The following RARB variants were observed in gnomAD, a reference collection of about 807,000 sequenced individuals.
The protein encoded by RARB is retinoic acid receptor beta.
In RARB, 17 loss-of-function variants were observed where a neutral mutation model predicts 51.9. The ratio of observed to expected loss-of-function variants is 0.33; its 90% CI spans 0.22 to 0.49. The LOEUF (loss-of-function observed/expected upper bound fraction) is 0.49, where lower values mean the gene tolerates loss of function less well. Among genes scored for constraint, RARB ranks in the 20% least tolerant of loss-of-function variants. The pLI is 0.99. For synonymous variants in RARB, 215 were observed against 195.4 expected, an observed-to-expected ratio of 1.10 and a Z score of -0.84; for missense variants, 369 against 550.8, an observed-to-expected ratio of 0.67 and a Z score of 3.30.
Position 24,995,887 on chromosome 3 carries a change from A to G in RARB, c.-379-64238A>G, listed in dbSNP as rs999411217. ...CTAGTGTTTTGTTAAGGATTTTTGCATGTATGTTTATCAGCATCTGGTTTG... is the reference window on the plus strand; with the variant it reads ...CTAGTGTTTTGTTAAGGATTTTTGCGTGTATGTTTATCAGCATCTGGTTTG... On this transcript the variant is annotated intron_variant, in intron 2 of 11. Coordinates refer to the RARB transcript ENST00000383772. Among the ~76,000 whole-genome samples the G allele has an allele frequency of 2.6e-5, 4 of 152,104 alleles. No individual in the cohort carries two copies. The South Asian group carries it at 6.2e-4, about 24-fold the overall frequency.
At chr3:25,366,768 G>C (rs1706132242) in intron 5 of RARB, among the ~76,000 whole-genome samples, 1 of 152,176 alleles carries the variant, frequency 6.6e-6, no homozygotes, top group Admixed American at 6.5e-5. Flanking sequence ...GGCACAGAGT[G>C]AATGCATTCT....
chr3:25,157,639 T>C (rs1431033090), intron 4 of RARB, among the ~76,000 whole-genome samples: 1 of 152,168 alleles, frequency 6.6e-6, no homozygotes, highest in East Asian at 1.9e-4. Context: ...TCAAGCGATC[T>C]GCCTGCCTCC....
At chr3:25,587,040 G>A (rs1180184883) in intron 5 of RARB, among the ~76,000 whole-genome samples, 1 of 152,236 alleles carries the variant, frequency 6.6e-6, no homozygotes, top group Non-Finnish European at 1.5e-5. Context: ...TCAAATCCCA[G>A]CTCTGCCATT....
intron 2 of RARB, among the ~76,000 whole-genome samples, chr3:24,955,922 C>A (rs1003830344): frequency 6.6e-6 from 1 of 152,108 alleles, no homozygotes; most frequent in Non-Finnish European, 1.5e-5. Context: ...GGATGACATC[C>A]AGTCTCCTCT....
chr3:25,457,796 T>C (rs553019949), intron 1 of RARB, among the ~76,000 whole-genome samples: 27 of 152,342 alleles, frequency 1.8e-4, no homozygotes, highest in African/African-American at 5.3e-4. Context: ...ATTCCAGCCC[T>C]ACCAGAATTC....
chr3:25,549,082 T>G (rs893573748), intron 3 of RARB, among the ~76,000 whole-genome samples: 1 of 152,024 alleles, frequency 6.6e-6, no homozygotes, highest in Non-Finnish European at 1.5e-5. Context: ...GGCTTACAGC[T>G]CCATTTGATC....
At chr3:24,895,905 T>G (rs1703469037) in intron 2 of RARB, among the ~76,000 whole-genome samples, 6 of 152,282 alleles carry the variant, frequency 3.9e-5, no homozygotes, top group Admixed American at 3.9e-4. Flanking sequence ...AACAGATATT[T>G]GTACACTCTT....
At chr3:25,274,542 C>T (rs1200939329) in intron 5 of RARB, among the ~76,000 whole-genome samples, 1 of 152,170 alleles carries the variant, frequency 6.6e-6, no homozygotes, top group Non-Finnish European at 1.5e-5. Context: ...ATTTCTGGAG[C>T]CTGGCTCCCT....
chr3:25,422,139 G>C (rs753491264), intron 5 of RARB, among the ~76,000 whole-genome samples: 10 of 152,142 alleles, frequency 6.6e-5, no homozygotes, highest in Non-Finnish European at 1.0e-4. Context: ...AACAGTTTCT[G>C]TTCATACATA....
intron 1 of RARB, among the ~76,000 whole-genome samples, chr3:25,444,389 G>A (rs181651170): frequency 6.6e-6 from 1 of 152,352 alleles, no homozygotes; most frequent in African/African-American, 2.4e-5. Flanking sequence ...GGGTTAACAA[G>A]TGAAAGCTGG....
At chr3:25,346,118 A>G (rs551573995) in intron 5 of RARB, among the ~76,000 whole-genome samples, 3 of 152,306 alleles carry the variant, frequency 2.0e-5, no homozygotes, top group African/African-American at 7.2e-5. Context: ...GCCTCTCTCC[A>G]TGTAGTCTCT....
At chr3:24,926,813 G>C (rs1475232630) in intron 2 of RARB, among the ~76,000 whole-genome samples, 1 of 152,068 alleles carries the variant, frequency 6.6e-6, no homozygotes, top group African/African-American at 2.4e-5. Flanking sequence ...TCAAATAGTT[G>C]TATAGTTATG....
intron 1 of RARB, among the ~76,000 whole-genome samples, chr3:25,435,921 C>A (rs7613553): frequency 0.37 from 56,265 of 151,952 alleles, 11,169 homozygotes; most frequent in Non-Finnish European, 0.45. Flanking sequence ...ACCGTTGTTG[C>A]CATTTTATTA....
intron 4 of RARB, among the ~76,000 whole-genome samples, chr3:25,136,307 T>A (rs531400240): frequency 1.3e-5 from 2 of 152,132 alleles, no homozygotes; most frequent in East Asian, 3.9e-4. Flanking sequence ...AGGACACATA[T>A]GGATAAGCCA....
At chr3:25,115,059 T>C (rs1699663793) in intron 3 of RARB, among the ~76,000 whole-genome samples, 1 of 152,172 alleles carries the variant, frequency 6.6e-6, no homozygotes, top group South Asian at 2.1e-4. Context: ...AAATTTGTAA[T>C]TCCTTTTCTG....
chr3:25,222,389 G>C (rs1411904031), intron 5 of RARB, among the ~76,000 whole-genome samples: 1 of 152,036 alleles, frequency 6.6e-6, no homozygotes, highest in African/African-American at 2.4e-5. Flanking sequence ...TCATTTCTTC[G>C]GGTACGTAAC....
upstream of RARB, among the ~76,000 whole-genome samples, chr3:25,427,169 C>T (rs1708017281): frequency 6.6e-6 from 1 of 152,148 alleles, no homozygotes; most frequent in East Asian, 1.9e-4. Flanking sequence ...ATTGGACTTT[C>T]ATCCTAGGGA....
intron 5 of RARB, among the ~76,000 whole-genome samples, chr3:25,321,516 G>A (rs987658881): frequency 3.3e-5 from 5 of 151,900 alleles, no homozygotes; most frequent in South Asian, 2.1e-4. Context: ...TTAGGTGTTC[G>A]AGACCAGCCC....
intron 2 of RARB, among the ~76,000 whole-genome samples, chr3:24,860,513 T>C (rs1178458032): frequency 1.3e-5 from 2 of 152,164 alleles, no homozygotes; most frequent in African/African-American, 4.8e-5. Flanking sequence ...TGACCATAGC[T>C]ATTCCTCAGT....
Sources: gnomAD v4.1 joint callset for allele counts (sites outside exome capture counted in the v4.1 genomes callset) on GRCh38, gnomAD v4.1.1 for gene constraint, MANE v1.5 for transcripts, NCBI Gene and HGNC (gene_info 2026-07-23, HGNC 2026-07-21) for gene names.